Variants in MSI2 observed in about 807,000 individuals in gnomAD.
The protein encoded by MSI2 is RNA-binding protein Musashi homolog 2.
In MSI2, 17 loss-of-function variants were observed where a neutral mutation model predicts 45.6. The observed-to-expected ratio is 0.37, with a 90% CI of 0.26 to 0.56. The LOEUF is 0.56. Ranked by LOEUF, MSI2 falls within the 20% of genes least tolerant of loss-of-function variation. The probability of loss-of-function intolerance (pLI) is 0.77; values close to 1 mark genes in which losing one functional copy is unlikely to be tolerated. For missense variants in MSI2, 293 were observed against 444.2 expected, an observed-to-expected ratio of 0.66 and a Z score of 3.06; for synonymous variants, 156 against 158.2, an observed-to-expected ratio of 0.99 and a Z score of 0.11.
At chr17:57,635,789 C>T (rs757092125) in intron 10 of MSI2, among the ~76,000 whole-genome samples, 3 of 152,226 alleles carry the variant, frequency 2.0e-5, no homozygotes, top group Non-Finnish European at 4.4e-5. Flanking sequence ...GACTGATGAG[C>T]ACTGGATTCC....
chr17:57,472,060 G>A (rs181634145), intron 6 of MSI2, among the ~76,000 whole-genome samples: 74 of 152,318 alleles, frequency 4.9e-4, no homozygotes, highest in Non-Finnish European at 7.5e-4. Flanking sequence ...TGCCCTTGCT[G>A]ACACAGGGGG....
intron 7 of MSI2, among the ~76,000 whole-genome samples, chr17:57,567,576 C>CGTT (rs1363787365): frequency 1.5e-4 from 23 of 152,216 alleles, no homozygotes; most frequent in African/African-American, 5.1e-4. Context: ...GCTGCCTTAA[C>CGTT]CGGCAGTTAA....
intron 6 of MSI2, among the ~76,000 whole-genome samples, chr17:57,412,559 G>A (rs1356742437): frequency 1.3e-5 from 2 of 152,104 alleles, no homozygotes; most frequent in African/African-American, 4.8e-5. Flanking sequence ...CCTTAGTATA[G>A]GGGCTGGCAA....
chr17:57,560,029 C>T (rs993192322), intron 7 of MSI2, among the ~76,000 whole-genome samples: 2 of 152,238 alleles, frequency 1.3e-5, no homozygotes, highest in African/African-American at 4.8e-5. Flanking sequence ...GATTTGTGCT[C>T]CGAACATATT....
At chr17:57,332,549 T>A (rs1196827890) in intron 5 of MSI2, among the ~76,000 whole-genome samples, 2 of 152,258 alleles carry the variant, frequency 1.3e-5, no homozygotes, top group African/African-American at 4.8e-5. Flanking sequence ...GGTTTTATGC[T>A]TCTTGTTGTT....
intron 9 of MSI2, among the ~76,000 whole-genome samples, chr17:57,617,055 G>A (rs1907784434): frequency 6.6e-6 from 1 of 152,196 alleles, no homozygotes; most frequent in Admixed American, 6.5e-5. Flanking sequence ...ATTTGCTGCT[G>A]TTTAAATCAC....
chr17:57,266,722 A>G (rs1322872126), intron 5 of MSI2: 1 of 152,196 alleles, frequency 6.6e-6, no homozygotes, highest in African/African-American at 2.4e-5. Flanking sequence ...GGAAAATCTT[A>G]ATTGGAATGT....
intron 6 of MSI2, among the ~76,000 whole-genome samples, chr17:57,441,067 G>A (rs1481183470): frequency 6.6e-6 from 1 of 152,146 alleles, no homozygotes; most frequent in Non-Finnish European, 1.5e-5. Context: ...ATGTTTTCAG[G>A]CAGCGCTTTG....
chr17:57,293,456 G>A (rs886832534), intron 5 of MSI2, among the ~76,000 whole-genome samples: 2 of 152,076 alleles, frequency 1.3e-5, no homozygotes, highest in African/African-American at 2.4e-5. Flanking sequence ...TCCTCCTCAC[G>A]CTGCAACAGC....
At chr17:57,423,850 G>A (rs190293255) in intron 6 of MSI2, among the ~76,000 whole-genome samples, 20 of 152,198 alleles carry the variant, frequency 1.3e-4, no homozygotes, top group African/African-American at 4.6e-4. Flanking sequence ...ATGTGGCGCA[G>A]CTTTTTCCAG....
intron 7 of MSI2, among the ~76,000 whole-genome samples, chr17:57,571,105 G>C (rs56056805): frequency 0.022 from 3,353 of 152,260 alleles, 132 homozygotes; most frequent in African/African-American, 0.077. Context: ...TCTGAGCAGA[G>C]GGATGCTGTG....
the MSI2 span, among the ~76,000 whole-genome samples, chr17:57,697,313 ACACT>A: frequency 6.6e-5 from 10 of 151,578 alleles, no homozygotes; most frequent in Admixed American, 2.0e-4. Flanking sequence ...GGACCCACTC[ACACT>A]CACTTTACTC....
At chr17:57,469,969 C>T (rs918987940) in intron 6 of MSI2, among the ~76,000 whole-genome samples, 2 of 152,220 alleles carry the variant, frequency 1.3e-5, no homozygotes, top group African/African-American at 4.8e-5. Flanking sequence ...TGATGCCTCA[C>T]GCTCTTTTCC....
chr17:57,589,069 G>A (rs1443251095), intron 7 of MSI2, among the ~76,000 whole-genome samples: 1 of 152,154 alleles, frequency 6.6e-6, no homozygotes, highest in Non-Finnish European at 1.5e-5. Flanking sequence ...TTGGGAAGCA[G>A]ATGCGAGTTG....
At chr17:57,295,486 A>G (rs183323725) in intron 5 of MSI2, among the ~76,000 whole-genome samples, 8 of 152,132 alleles carry the variant, frequency 5.3e-5, no homozygotes, top group Non-Finnish European at 1.2e-4. Context: ...TTGGGGGATT[A>G]TTATTATTAT....
chr17:57,592,180 A>C (rs1446728627), intron 7 of MSI2, among the ~76,000 whole-genome samples: 1 of 152,096 alleles, frequency 6.6e-6, no homozygotes. Flanking sequence ...TCCAAAAAAA[A>C]AAAAAAGGCT....
At chr17:57,533,849 C>G (rs2086870327) in intron 7 of MSI2, among the ~76,000 whole-genome samples, 1 of 152,196 alleles carries the variant, frequency 6.6e-6, no homozygotes, top group Non-Finnish European at 1.5e-5. Context: ...TGGGCTTCCC[C>G]TGGGGAAATC....
intron 6 of MSI2, among the ~76,000 whole-genome samples, chr17:57,450,588 T>C (rs2084998266): frequency 6.9e-6 from 1 of 144,738 alleles, no homozygotes; most frequent in South Asian, 2.1e-4. Context: ...GAAAATTCGC[T>C]TGAACTCGGG....
intron 7 of MSI2, among the ~76,000 whole-genome samples, chr17:57,553,606 G>A (rs1457796255): frequency 3.3e-5 from 5 of 152,152 alleles, no homozygotes; most frequent in Middle Eastern, 3.4e-3. Context: ...TTTTTCTTTT[G>A]AAATAGACTG....
Sources: gnomAD v4.1 joint callset for allele counts (sites outside exome capture counted in the v4.1 genomes callset) on GRCh38, gnomAD v4.1.1 for gene constraint, MANE v1.5 for transcripts, NCBI Gene and HGNC (gene_info 2026-07-23, HGNC 2026-07-21) for gene names.